The following COL6A1 variants were observed in gnomAD, a reference collection of about 807,000 sequenced individuals.
The protein encoded by COL6A1 is collagen type VI alpha 1 chain, also known as collagen alpha-1(VI) chain.
A neutral mutation model predicts 145.6 loss-of-function variants in COL6A1; 80 were observed. That is an observed-to-expected ratio of 0.55 (90% CI 0.46 to 0.66). The LOEUF (loss-of-function observed/expected upper bound fraction) is 0.66. Among genes scored for constraint, COL6A1 ranks in the 30% least tolerant of loss-of-function variants. The pLI is 0.00. For synonymous variants in COL6A1, 638 were observed against 622.8 expected, an observed-to-expected ratio of 1.02 and a Z score of -0.36; for missense variants, 1,364 against 1,473.8, an observed-to-expected ratio of 0.93 and a Z score of 1.22.
At position 45,984,449 on chromosome 21, in the gene COL6A1, G is replaced by C; in HGVS notation, c.408G>C (p.Gly136=). Residue 136 remains glycine, a synonymous_variant, in exon 3 of 35, where the codon GGG becomes GGC. Coordinates refer to ENST00000361866, the MANE Select transcript of COL6A1 (RefSeq NM_001848.3). ...ACACCGACTGCGCTATCAAGAAGGGGCTGGAGCAGCTCCTCGTGGGGTGAG... is the reference window on the plus strand; with the variant it reads ...ACACCGACTGCGCTATCAAGAAGGGCCTGGAGCAGCTCCTCGTGGGGTGAG... The part of the protein sequence containing the change: ...GTYTDCAIKK[G]LEQLLVGGSH... The C allele has an allele frequency of 1.2e-6, 2 of 1,611,086 alleles. No homozygotes were observed. Among genetic ancestry groups the C allele is most frequent in the Non-Finnish European group, 1.7e-6 (2 of 1,179,928 alleles).
At chr21:46,000,514 C>T in intron 28 of COL6A1, 147 bp downstream of exon 28, 1 of 1,158,440 alleles carries the variant, frequency 8.6e-7, no homozygotes, top group Non-Finnish European at 1.3e-6. Flanking sequence ...CCCTACCGGC[C>T]TCCAAAGCCC....
rs376807461 is a variant in COL6A1 at position 45,992,788 on chromosome 21, C to T, written c.1313C>T (p.Thr438Met). 2.1e-5 allele frequency: 34 copies of T among 1,601,490 alleles called. No homozygotes were observed. The highest frequency in any genetic ancestry group is 6.8e-5 in the South Asian group (6 of 88,602). ...GERGPRGTPGTRGPRGDPGEA... is the reference protein window; with the variant it reads ...GERGPRGTPGMRGPRGDPGEA... ...AGAGGACCACGGGGGACCCCAGGCA[C>T]GCGGGGACCAAGAGGAGACCCTGTG... The change falls in exon 19 of 35, where the codon ACG (threonine) becomes ATG (methionine). Residue 438 changes from threonine (T) to methionine (M), a missense_variant. Thr to Met is a moderately conservative substitution (Grantham distance 81, BLOSUM62 -1). Transcript: ENST00000361866.
chr21:45,998,114 C>A lies in COL6A1; in HGVS notation c.1525-7C>A, dbSNP rs2123482998. On this transcript the variant is annotated splice_polypyrimidine_tract_variant and splice_region_variant and intron_variant, in intron 22 of 34. Coordinates refer to ENST00000361866, the MANE Select transcript of COL6A1 (RefSeq NM_001848.3). ...TTCGCACGGTGACGGCTACTCTGCTCCCCCAGGGAGAAGACGGCCCCGCTG... is the reference window on the plus strand; with the variant it reads ...TTCGCACGGTGACGGCTACTCTGCTACCCCAGGGAGAAGACGGCCCCGCTG... 1 of 1,611,852 alleles carries A rather than the reference C, an allele frequency of 6.2e-7. No individual in the cohort carries two copies. The highest frequency in any genetic ancestry group is 8.5e-7 in the Non-Finnish European group (1 of 1,179,608).
In COL6A1 at chr21:46,004,574, A is replaced by T. The variant is rs2077870580; in HGVS notation, c.*561A>T. 1 of 332,984 alleles carries T rather than the reference A, an allele frequency of 3.0e-6. No homozygotes were observed. The highest frequency in any genetic ancestry group is 6.2e-6 in the Non-Finnish European group (1 of 161,020). The allele number at this position is 332,984 out of a possible 1,614,324, so 20.6% of individuals were successfully genotyped here. On this transcript the variant is annotated 3_prime_UTR_variant, in exon 35 of 35. Transcript: ENST00000361866. ...AAACTCAAAGCAAGCTCTTCTCCTC[A>T]GCTTGGGGCAGCCATTGGCCTCTGT...
At chr21:45,985,942 C>G (rs964788697) in intron 3 of COL6A1, among the ~76,000 whole-genome samples, 1 of 152,188 alleles carries the variant, frequency 6.6e-6, no homozygotes, top group Non-Finnish European at 1.5e-5. Flanking sequence ...CTGTGGAAGC[C>G]ACAGACAGAC....
At chr21:45,983,314 C>T (rs2077718842) in intron 2 of COL6A1, among the ~76,000 whole-genome samples, 1 of 151,820 alleles carries the variant, frequency 6.6e-6, no homozygotes, top group African/African-American at 2.4e-5. Context: ...CCCTCTGCTC[C>T]ACGTTCCTCC....
intron 19 of COL6A1, among the ~76,000 whole-genome samples, chr21:45,993,461 C>G (rs1472631873): frequency 6.6e-6 from 1 of 152,180 alleles, no homozygotes; most frequent in African/African-American, 2.4e-5. Flanking sequence ...GGAGAGAATG[C>G]CCTAGTGTGC....
In COL6A1 at chr21:45,989,150, C is replaced by A. The variant is rs774031183; in HGVS notation, c.858+13C>A. 6.3e-6 allele frequency: 10 copies of A among 1,593,662 alleles called. No individual in the cohort carries two copies. The highest frequency in any genetic ancestry group is 8.5e-6 in the Non-Finnish European group (10 of 1,172,698). ...AGCCGGAGATCCTGTGAGTGCCTGA[C>A]TGTGGGGTGGGGGCCCTAAGAAGCT... On this transcript the variant is annotated intron_variant, in intron 9 of 34. Coordinates refer to ENST00000361866, the MANE Select transcript of COL6A1 (RefSeq NM_001848.3).
intron 18 of COL6A1, 104 bp downstream of exon 18, chr21:45,992,502 C>T: frequency 1.4e-6 from 2 of 1,385,942 alleles, no homozygotes; most frequent in Admixed American, 2.0e-5. Context: ...GCCATGGCCT[C>T]CTGCCCAAGA....
chr21:46,001,143 A>C, intron 29 of COL6A1, 110 bp from the exon 30 acceptor site: 2 of 1,449,240 alleles, frequency 1.4e-6, no homozygotes, highest in Middle Eastern at 2.0e-4. Context: ...GGGGACCCCA[A>C]CGTGTCAGGT....
In COL6A1 at chr21:45,987,325, TGTGTCCCCCTGC is replaced by T. The variant is rs1292380897; in HGVS notation, c.738+157_739-156del. 8.1e-6 allele frequency: 12 copies of T among 1,475,238 alleles called. No homozygotes were observed. The African/African-American group carries it at 1.4e-4, about 17-fold the overall frequency. 91.4% of individuals were successfully genotyped at this position (1,475,238 alleles called of 1,614,324 possible). A position where few individuals can be genotyped will look rare whatever the true frequency, so the allele number is the denominator to read the frequency against. ...CGTGTCTGCCCGTGTGCCCGGGATGTGTGTCCCCCTGCGTGTCCACCTGTGTGTCTGCCCATG... is the reference window on the plus strand; with the variant it reads ...CGTGTCTGCCCGTGTGCCCGGGATGTGTGTCCACCTGTGTGTCTGCCCATG... On this transcript the variant is annotated intron_variant, in intron 6 of 34. Coordinates refer to ENST00000361866, the MANE Select transcript of COL6A1 (RefSeq NM_001848.3).
intron 20 of COL6A1, 29 bp from the exon 21 acceptor site, chr21:45,997,392 T>A: frequency 9.9e-6 from 16 of 1,610,356 alleles, no homozygotes; most frequent in Non-Finnish European, 1.4e-5. Context: ...AGGCCTGTGG[T>A]CCAACGTGCC....
At chr21:45,986,789 T>C in intron 4 of COL6A1, 104 bp downstream of exon 4, 2 of 1,514,820 alleles carry the variant, frequency 1.3e-6, no homozygotes. Context: ...AGGGTGTGGG[T>C]TCTCCAGCCG....
rs2077869165 is a variant in COL6A1, at chr21:46,004,383, G to A, written c.*370G>A. The A allele has an allele frequency of 1.7e-5, 6 of 352,256 alleles. No individual in the cohort carries two copies. The highest frequency in any genetic ancestry group is 8.7e-5 in the South Asian group (3 of 34,556). 21.8% of individuals were successfully genotyped at this position (352,256 alleles called of 1,614,324 possible). On this transcript the variant is annotated 3_prime_UTR_variant, in exon 35 of 35. Transcript: ENST00000361866. ...GCTCTCCTGCCCTGCCCTCCTGCCCGCCCTCCCTCCTGCCTGCGCAGCTCC... is the reference window on the plus strand; with the variant it reads ...GCTCTCCTGCCCTGCCCTCCTGCCCACCCTCCCTCCTGCCTGCGCAGCTCC...
chr21:45,993,800 G>A (rs2077789842), intron 19 of COL6A1, among the ~76,000 whole-genome samples: 1 of 152,242 alleles, frequency 6.6e-6, no homozygotes, highest in Admixed American at 6.5e-5. Context: ...CTGACAGCCA[G>A]GCAGAGCCCA....
chr21:45,997,318 G>A, intron 20 of COL6A1, 103 bp from the exon 21 acceptor site: 1 of 1,076,626 alleles, frequency 9.3e-7, no homozygotes, highest in Admixed American at 1.7e-5. Context: ...CCAGAGCCTG[G>A]GGGCCCTGAT....
Position 45,994,343 on chromosome 21 carries a change from T to C in COL6A1, c.1398+114T>C, listed in dbSNP as rs1354756397. 2.9e-6 allele frequency: 3 copies of C among 1,048,262 alleles called. No homozygotes were observed. The Admixed American group carries it at 6.0e-5, about 21-fold the overall frequency. 64.9% of individuals were successfully genotyped at this position (1,048,262 alleles called of 1,614,324 possible). A position where few individuals can be genotyped will look rare whatever the true frequency, so the allele number is the denominator to read the frequency against. On this transcript the variant is annotated intron_variant, in intron 20 of 34. Transcript: ENST00000361866. This position sits in a 1 kb window ranked among gnomAD's most constrained non-coding sequence, Gnocchi z 6.8. ...TCATTTCCGTTTGAGGGCCTCTGTG[T>C]TTCCGTAGATCTCGGGGGTGTCCCT...
chr21:46,003,142 C>T lies in COL6A1; in HGVS notation c.2457C>T (p.Thr819=), dbSNP rs1182297662. 4 of 1,614,104 alleles carry T rather than the reference C, an allele frequency of 2.5e-6. No individual in the cohort carries two copies. Among genetic ancestry groups the T allele is most frequent in the Non-Finnish European group, 2.5e-6 (3 of 1,179,978 alleles). The part of the protein sequence containing the change: ...ICIDKKCPDY[T]CPITFSSPAD... Reference sequence around the variant, plus strand: ...CAGACAAGAAGTGTCCAGATTACACCTGCCCCAGTGAGTACCTCGGCGGCC... The same window carrying T: ...CAGACAAGAAGTGTCCAGATTACACTTGCCCCAGTGAGTACCTCGGCGGCC... The change falls in exon 34 of 35, where the codon ACC becomes ACT. Residue 819 remains threonine, a synonymous_variant. Transcript: ENST00000361866.
chr21:45,997,405 A>C lies in COL6A1; in HGVS notation c.1399-16A>C. The C allele has an allele frequency of 6.2e-7, 1 of 1,612,576 alleles. No homozygotes were observed. Among genetic ancestry groups the C allele is most frequent in the Non-Finnish European group, 8.5e-7 (1 of 1,179,562 alleles). On this transcript the variant is annotated splice_polypyrimidine_tract_variant and intron_variant, in intron 20 of 34. Coordinates refer to ENST00000361866, the MANE Select transcript of COL6A1 (RefSeq NM_001848.3). ...TGAGGCCTGTGGTCCAACGTGCCAT[A>C]TCCATCTCTCTACAGGGCGAGGCTG...
Sources: allele counts gnomAD v4.1 joint callset (sites outside exome capture counted in the v4.1 genomes callset), GRCh38; gene constraint gnomAD v4.1.1; non-coding constraint Gnocchi (gnomAD v3.1); transcripts MANE v1.5; gene names NCBI Gene and HGNC (gene_info 2026-07-23, HGNC 2026-07-21).